The following ANO5 variants were observed in gnomAD, a reference collection of about 807,000 sequenced individuals.
ANO5 encodes the protein anoctamin 5, also known as anoctamin-5.
In ANO5, 109 loss-of-function variants were observed where a neutral mutation model predicts 121.0. The ratio of observed to expected loss-of-function variants is 0.90; its 90% CI spans 0.77 to 1.06. The LOEUF (loss-of-function observed/expected upper bound fraction) is 1.06, where lower values mean the gene tolerates loss of function less well. ANO5 is among the 50% of genes least tolerant of loss of function. ANO5 has a pLI of 0.00. For missense variants in ANO5, 1,064 were observed against 1,078.5 expected, an observed-to-expected ratio of 0.99 and a Z score of 0.19; for synonymous variants, 406 against 359.9, an observed-to-expected ratio of 1.13 and a Z score of -1.45.
chr11:22,238,424 G>A (rs919628302), intron 8 of ANO5, among the ~76,000 whole-genome samples: 1 of 151,966 alleles, frequency 6.6e-6, no homozygotes. Context: ...TTTCAGTAGA[G>A]TCATATAGGC....
At chr11:22,225,039 A>G (rs182410894) in intron 5 of ANO5, among the ~76,000 whole-genome samples, 17 of 152,200 alleles carry the variant, frequency 1.1e-4, no homozygotes, top group Admixed American at 5.9e-4. Context: ...GAAAAACAAT[A>G]TAATGCATTT....
At chr11:22,193,645 G>C (rs554941632) in intron 1 of ANO5, 113 bp downstream of exon 1, 2 of 1,348,838 alleles carry the variant, frequency 1.5e-6, no homozygotes, top group African/African-American at 2.9e-5. Context: ...TGAGTCCTAG[G>C]GAGGTTCGCT....
chr11:22,245,504 T>C (rs1853586271), intron 9 of ANO5, among the ~76,000 whole-genome samples: 1 of 152,212 alleles, frequency 6.6e-6, no homozygotes, highest in Non-Finnish European at 1.5e-5. Flanking sequence ...TCTGGGGTTT[T>C]CTTGTATCAG....
chr11:22,201,679 G>A (rs779111725), intron 1 of ANO5, among the ~76,000 whole-genome samples: 10 of 152,268 alleles, frequency 6.6e-5, no homozygotes, highest in Non-Finnish European at 1.2e-4. Context: ...ATAACATGGT[G>A]GAAGGCATCA....
intron 10 of ANO5, 36 bp downstream of exon 10, chr11:22,250,407 T>A (rs1260826226): frequency 1.2e-6 from 2 of 1,611,154 alleles, no homozygotes; most frequent in Non-Finnish European, 8.5e-7. Context: ...AGAGAAAACA[T>A]CTTTATCTTG....
At chr11:22,250,447 C>A (rs1853772978) in intron 10 of ANO5, 76 bp downstream of exon 10, 1 of 1,569,050 alleles carries the variant, frequency 6.4e-7, no homozygotes, top group Admixed American at 1.7e-5. Flanking sequence ...TATTATTTCC[C>A]TGGCATTTCC....
chr11:22,192,830 C>CG, upstream of ANO5: 2 of 308,408 alleles, frequency 6.5e-6, no homozygotes, highest in Non-Finnish European at 9.5e-6. Flanking sequence ...CCAACAGGGC[C>CG]GGGGGGCGGC....
At chr11:22,195,118 A>G (rs1352746107) in intron 1 of ANO5, among the ~76,000 whole-genome samples, 1 of 152,136 alleles carries the variant, frequency 6.6e-6, no homozygotes, top group Non-Finnish European at 1.5e-5. Context: ...TATTATAGCC[A>G]TCCTAGTGGT....
At chr11:22,232,395 A>G (rs1009676221) in intron 7 of ANO5, among the ~76,000 whole-genome samples, 6 of 151,864 alleles carry the variant, frequency 4.0e-5, no homozygotes, top group Admixed American at 6.6e-5. Flanking sequence ...GTCAATTTGC[A>G]GTAGTTATTT....
rs147599019 is a variant in ANO5, at chr11:22,276,151, A to G, written c.2472A>G (p.Gln824=). The change falls in exon 21 of 22, where the codon CAA becomes CAG. Residue 824 remains glutamine, a synonymous_variant. Transcript: ENST00000324559. ...DDENKYFHNM[Q]FWHVLAAKMT... ...AGAATAAATATTTTCATAATATGCA[A>G]TTCTGGCATGTCCTTGCTGCCAAGA... 3.7e-6 allele frequency: 6 copies of G among 1,611,586 alleles called. No homozygotes were observed. The African/African-American group carries it at 5.3e-5, about 14-fold the overall frequency.
chr11:22,277,830 C>G (rs1170951092), intron 21 of ANO5: 1 of 151,350 alleles, frequency 6.6e-6, no homozygotes, highest in East Asian at 1.9e-4. Context: ...ATCTTGTCTT[C>G]TATTGAAGAC....
Position 22,279,618 on chromosome 11 carries a change from CAA to C in ANO5, c.2596_2597del (p.Lys866GlufsTer12). The C allele has an allele frequency of 2.5e-6, 4 of 1,612,934 alleles. No individual in the cohort carries two copies. The highest frequency in any genetic ancestry group is 3.4e-6 in the Non-Finnish European group (4 of 1,179,198). On this transcript the variant is annotated frameshift_variant, in exon 22 of 22. Transcript: ENST00000324559. LOFTEE classifies it low-confidence loss of function (END_TRUNC). ...TTCCAAAAGATGTTGTGGAGAGAAT[CAA>C]GAGAGAAAAGTTAATGACTATCAAG... ...DVPKDVVERI[K>X]REKLMTIKIL...
chr11:22,281,217 A>C lies in ANO5; in HGVS notation c.*1452A>C, dbSNP rs1025748403. 1.3e-5 allele frequency: 2 copies of C among 152,064 alleles called. No homozygotes were observed. Among genetic ancestry groups the C allele is most frequent in the Non-Finnish European group, 2.9e-5 (2 of 67,898 alleles). The allele number at this position is 152,064 out of a possible 1,614,324, so 9.4% of individuals were successfully genotyped here. ...AAAGAATAGTTTTTTAATCACACACATAAGAAATTTTATCACAATATTTAA... is the reference window on the plus strand; with the variant it reads ...AAAGAATAGTTTTTTAATCACACACCTAAGAAATTTTATCACAATATTTAA... On this transcript the variant is annotated 3_prime_UTR_variant, in exon 22 of 22. Coordinates refer to ENST00000324559, the MANE Select transcript of ANO5 (RefSeq NM_213599.3).
At chr11:22,217,906 C>A (rs1398866329) in intron 3 of ANO5, among the ~76,000 whole-genome samples, 3 of 151,752 alleles carry the variant, frequency 2.0e-5, no homozygotes, top group African/African-American at 7.3e-5. Flanking sequence ...AACAAATCTG[C>A]ACTTCCTGCA....
Position 22,272,912 on chromosome 11 carries a change from G to C in ANO5, c.2158G>C (p.Val720Leu), listed in dbSNP as rs763743308. 2 of 1,614,104 alleles carry C rather than the reference G, an allele frequency of 1.2e-6. No individual in the cohort carries two copies. Among genetic ancestry groups the C allele is most frequent in the Non-Finnish European group, 1.7e-6 (2 of 1,180,026 alleles). The change falls in exon 19 of 22, where the codon GTA becomes CTA. Residue 720 changes from valine to leucine, a missense_variant. Transcript: ENST00000324559. ...WKLTTQYRRT[V>L]ASKAHSIGVW... ...ACTTACCACTCAATACAGGAGAACT[G>C]TAGCTTCTAAAGCTCATAGCATAGG...
intron 7 of ANO5, among the ~76,000 whole-genome samples, chr11:22,228,780 T>C (rs1852933872): frequency 6.6e-6 from 1 of 152,032 alleles, no homozygotes; most frequent in African/African-American, 2.4e-5. Context: ...TCTAGGTTCA[T>C]ATTGTCACAA....
chr11:22,226,173 A>C (rs1852826115), intron 6 of ANO5, 121 bp downstream of exon 6: 5 of 781,268 alleles, frequency 6.4e-6, no homozygotes, highest in Admixed American at 2.1e-5. Flanking sequence ...TTGGCTACAG[A>C]TATGTGCACC....
At chr11:22,198,096 G>A (rs1275635746) in intron 1 of ANO5, among the ~76,000 whole-genome samples, 1 of 152,194 alleles carries the variant, frequency 6.6e-6, no homozygotes, top group Non-Finnish European at 1.5e-5. Flanking sequence ...GTGCAGGGGT[G>A]AGAGGGAGCA....
chr11:22,234,647 A>C (rs1317513694), intron 7 of ANO5, among the ~76,000 whole-genome samples: 1 of 152,152 alleles, frequency 6.6e-6, no homozygotes, highest in East Asian at 1.9e-4. Flanking sequence ...TTTGTACTCC[A>C]AGAAAAAGGA....
Sources: allele counts gnomAD v4.1 joint callset (sites outside exome capture counted in the v4.1 genomes callset), GRCh38; gene constraint gnomAD v4.1.1; transcripts MANE v1.5; gene names NCBI Gene and HGNC (gene_info 2026-07-23, HGNC 2026-07-21).